ZNF536: variants seen among roughly 807,000 people sequenced by gnomAD.
ZNF536 encodes zinc finger protein 536.
Under a neutral mutation model 84.5 loss-of-function variants are expected in ZNF536, and 13 were observed. The ratio of observed to expected loss-of-function variants is 0.15; its 90% CI spans 0.10 to 0.24. The LOEUF (loss-of-function observed/expected upper bound fraction) is 0.24, where lower values mean the gene tolerates loss of function less well. ZNF536 is among the 10% of genes least tolerant of loss of function. The probability of loss-of-function intolerance (pLI) is 1.00; values close to 1 mark genes in which losing one functional copy is unlikely to be tolerated. For synonymous variants in ZNF536, 811 were observed against 742.5 expected (o/e 1.09, Z -1.50); for missense variants, 1,536 against 1,747.5 (o/e 0.88, Z 2.16).
intron 1 of ZNF536, among the ~76,000 whole-genome samples, chr19:30,439,000 C>T (rs1389752209): frequency 6.6e-6 from 1 of 152,180 alleles, no homozygotes; most frequent in Non-Finnish European, 1.5e-5. Flanking sequence ...GGCAGCTCCA[C>T]TTCCTCCAGC....
At chr19:30,383,551 G>T (rs188302046) in intron 1 of ZNF536, among the ~76,000 whole-genome samples, 239 of 151,562 alleles carry the variant, frequency 1.6e-3, no homozygotes, top group African/African-American at 5.4e-3. Flanking sequence ...CCCAGGGCCT[G>T]CTACTCACTT....
At chr19:30,379,450 C>A (rs913779436) in intron 1 of ZNF536, among the ~76,000 whole-genome samples, 1 of 151,858 alleles carries the variant, frequency 6.6e-6, no homozygotes, top group East Asian at 1.9e-4. Flanking sequence ...AACCCCAGTG[C>A]GTCATGGGGG....
chr19:30,296,996 G>A (rs144170428), intron 2 of ZNF536, among the ~76,000 whole-genome samples: 4 of 152,328 alleles, frequency 2.6e-5, no homozygotes, highest in African/African-American at 9.6e-5. Flanking sequence ...AGCTTCCTAT[G>A]AGGTGTTTGA....
At chr19:30,696,767 G>T (rs1251375328) in intron 1 of ZNF536, among the ~76,000 whole-genome samples, 2 of 152,164 alleles carry the variant, frequency 1.3e-5, no homozygotes, top group African/African-American at 4.8e-5. Flanking sequence ...GAGCTGGGAG[G>T]CATGGGAGAC....
At chr19:30,462,064 C>T (rs1460670656) in intron 2 of ZNF536, among the ~76,000 whole-genome samples, 2 of 152,162 alleles carry the variant, frequency 1.3e-5, no homozygotes, top group Non-Finnish European at 2.9e-5. Flanking sequence ...AGATGATTGT[C>T]TGGGAGGGCC....
intron 3 of ZNF536, among the ~76,000 whole-genome samples, chr19:30,546,872 T>C (rs2045578908): frequency 6.6e-6 from 1 of 152,192 alleles, no homozygotes; most frequent in African/African-American, 2.4e-5. Context: ...GGAATATATT[T>C]AAATCTGCAG....
At chr19:30,462,671 A>T (rs185321170) in intron 2 of ZNF536, among the ~76,000 whole-genome samples, 1 of 151,730 alleles carries the variant, frequency 6.6e-6, no homozygotes, top group Admixed American at 6.5e-5. Context: ...TTGGCATGGG[A>T]TGGGGTGTGT....
At chr19:30,385,741 G>A (rs2049315284) in intron 1 of ZNF536, among the ~76,000 whole-genome samples, 1 of 152,058 alleles carries the variant, frequency 6.6e-6, no homozygotes, top group Non-Finnish European at 1.5e-5. Flanking sequence ...CAACTTTTCA[G>A]ACTTGATGGT....
intron 2 of ZNF536, among the ~76,000 whole-genome samples, chr19:30,447,440 A>G (rs1190602212): frequency 3.3e-5 from 5 of 152,212 alleles, no homozygotes; most frequent in Non-Finnish European, 4.4e-5. Context: ...TTCCGATAGC[A>G]CTTAATGCCG....
chr19:30,371,270 G>A (rs1335643609), upstream of ZNF536, among the ~76,000 whole-genome samples: 3 of 152,132 alleles, frequency 2.0e-5, no homozygotes, highest in African/African-American at 4.8e-5. Flanking sequence ...CCTGTGGCAC[G>A]AGAGGATAAG....
At position 30,388,260 on chromosome 19, in the gene ZNF536, C is replaced by T. The variant is rs552173727; in HGVS notation, c.-3+15704C>T. 1.4e-4 allele frequency among the ~76,000 whole-genome samples: 21 copies of T among 152,252 alleles called. 2 individuals are homozygous for T. Among genetic ancestry groups the T allele is most frequent in the East Asian group, 7.7e-4 (4 of 5,178 alleles). ...GGCCTGGGACCTCGGTCAAAGTATC[C>T]GTATGGATTTCCTTTCTGGGTCTTG... On this transcript the variant is annotated intron_variant, in intron 1 of 4. Transcript: ENST00000355537.
Position 30,228,895 on chromosome 19 carries a change from T to A in ZNF536, c.-190+222T>A, listed in dbSNP as rs2022795977. Among the ~76,000 whole-genome samples the A allele has an allele frequency of 6.8e-6, 1 of 147,622 alleles. No individual in the cohort carries two copies. The highest frequency in any genetic ancestry group is 2.5e-5 in the African/African-American group (1 of 39,728). On this transcript the variant is annotated intron_variant, in intron 1 of 5. Transcript: ENST00000585628. This position sits in a 1 kb window ranked among gnomAD's most constrained non-coding sequence, Gnocchi z 4.5. Reference sequence around the variant, plus strand: ...TGCTGACTTTTCGGGCCAGGTGAAGTGTTTGGGCCACGCGTGTACCTGTGG... The same window carrying A: ...TGCTGACTTTTCGGGCCAGGTGAAGAGTTTGGGCCACGCGTGTACCTGTGG...
At chr19:30,379,189 T>C (rs1184125246) in intron 1 of ZNF536, among the ~76,000 whole-genome samples, 2 of 152,178 alleles carry the variant, frequency 1.3e-5, no homozygotes, top group Admixed American at 1.3e-4. Flanking sequence ...TTCCTGACAA[T>C]ACCGTGGGAA....
At chr19:30,623,985 C>T (rs1317291586) in intron 1 of ZNF536, among the ~76,000 whole-genome samples, 1 of 152,134 alleles carries the variant, frequency 6.6e-6, no homozygotes, top group African/African-American at 2.4e-5. Flanking sequence ...TGGAAATGGG[C>T]TTCGGAGTGA....
At chr19:30,309,611 C>T (rs778007899) in intron 2 of ZNF536, among the ~76,000 whole-genome samples, 5 of 152,144 alleles carry the variant, frequency 3.3e-5, no homozygotes, top group Non-Finnish European at 5.9e-5. Context: ...TTCTTTGTGT[C>T]GGACATCATT....
chr19:30,317,003 G>A lies in ZNF536; in HGVS notation c.-120+32862G>A, dbSNP rs541472684. On this transcript the variant is annotated intron_variant, in intron 2 of 5. Coordinates refer to the ZNF536 transcript ENST00000585628. Reference sequence around the variant, plus strand: ...AGAGTATGGGCACTCAGGTCAAAGCGTGGGCTTGGCAAGGCCTCCCTTTGC... The same window carrying A: ...AGAGTATGGGCACTCAGGTCAAAGCATGGGCTTGGCAAGGCCTCCCTTTGC... 9.2e-5 allele frequency among the ~76,000 whole-genome samples: 14 copies of A among 152,356 alleles called. No homozygotes were observed. The South Asian group carries it at 1.7e-3, about 18-fold the overall frequency.
At chr19:30,658,539 TCACACACA>T (rs144517985) in intron 1 of ZNF536, among the ~76,000 whole-genome samples, 1 of 149,158 alleles carries the variant, frequency 6.7e-6, no homozygotes, top group Non-Finnish European at 1.5e-5. Flanking sequence ...CCTCTCTCTG[TCACACACA>T]CACACACACA....
chr19:30,402,696 C>T (rs991011924), intron 1 of ZNF536, among the ~76,000 whole-genome samples: 42 of 150,740 alleles, frequency 2.8e-4, no homozygotes, highest in Non-Finnish European at 5.8e-4. Context: ...CTCAAACTGC[C>T]GCCTCCAGAG....
intron 1 of ZNF536, among the ~76,000 whole-genome samples, chr19:30,277,255 CAG>C (rs1416670950): frequency 1.3e-5 from 2 of 152,140 alleles, no homozygotes; most frequent in East Asian, 1.9e-4. Context: ...ATTAAAGAGA[CAG>C]GGGTGTAATT....
Sources: gnomAD v4.1 joint callset for allele counts (sites outside exome capture counted in the v4.1 genomes callset) on GRCh38, gnomAD v4.1.1 for gene constraint, Gnocchi (gnomAD v3.1) non-coding constraint, MANE v1.5 for transcripts, NCBI Gene and HGNC (gene_info 2026-07-23, HGNC 2026-07-21) for gene names.